Variants in SLC6A9 observed in about 807,000 individuals in gnomAD.
SLC6A9 encodes sodium- and chloride-dependent glycine transporter 1.
Under a neutral mutation model 70.9 loss-of-function variants are expected in SLC6A9, and 31 were observed. The ratio of observed to expected loss-of-function variants is 0.44; its 90% CI spans 0.33 to 0.59. The LOEUF (loss-of-function observed/expected upper bound fraction) is 0.59. Among genes scored for constraint, SLC6A9 ranks in the 20% least tolerant of loss-of-function variants. The pLI is 0.04. For missense variants in SLC6A9, 631 were observed against 845.2 expected (o/e 0.75, Z 3.14); for synonymous variants, 310 against 341.3 (o/e 0.91, Z 1.01).
intron 1 of SLC6A9, among the ~76,000 whole-genome samples, chr1:44,024,633 A>C (rs992625417): frequency 9.2e-5 from 14 of 152,254 alleles, no homozygotes; most frequent in Admixed American, 9.2e-4. Flanking sequence ...AAAAGATAAA[A>C]AATGAATACC....
intron 5 of SLC6A9, among the ~76,000 whole-genome samples, chr1:44,004,938 G>A (rs1248356344): frequency 1.3e-5 from 2 of 152,242 alleles, no homozygotes; most frequent in Admixed American, 1.3e-4. Context: ...GCCAGGTGGT[G>A]AGTGCCTTGA....
At chr1:44,004,763 G>C (rs1327651271) in intron 5 of SLC6A9, among the ~76,000 whole-genome samples, 2 of 152,178 alleles carry the variant, frequency 1.3e-5, no homozygotes, top group Non-Finnish European at 2.9e-5. Flanking sequence ...ATCATATTCT[G>C]TTTTTTGTTT....
rs1470831314 is a variant in SLC6A9, at chr1:44,001,539, G to A, written c.1051C>T (p.His351Tyr). 3 of 1,614,250 alleles carry A rather than the reference G, an allele frequency of 1.9e-6. No homozygotes were observed. The highest frequency in any genetic ancestry group is 2.2e-5 in the South Asian group (2 of 91,088). ...IFSILGFMAN[H>Y]LGVDVSRVAD... ...ACACGGGACACATCCACGCCCAGGT[G>A]ATTGGCCATGAAGCCGAGGATGGAG... is the stretch of plus-strand genomic sequence containing the variant. Residue 351 changes from histidine to tyrosine, a missense_variant, in exon 9 of 14, where the codon CAC (histidine) becomes TAC (tyrosine). Physicochemically the swap from His to Tyr is moderately conservative, Grantham distance 83 (BLOSUM62 2). Transcript: ENST00000372310.
Position 44,002,826 on chromosome 1 carries a change from C to T in SLC6A9, c.723+27G>A, listed in dbSNP as rs1351275185. The T allele has an allele frequency of 6.2e-7, 1 of 1,613,452 alleles. No individual in the cohort carries two copies. The highest frequency in any genetic ancestry group is 8.5e-7 in the Non-Finnish European group (1 of 1,179,684). ...GGGGCAGGGTCTTTCTGGGTGGGCA[C>T]AGACCCTGCTGGGGAGGGGTACTTG... On this transcript the variant is annotated intron_variant, in intron 6 of 13. Transcript: ENST00000372310. The surrounding 1 kb of genome is among the most constrained non-coding windows in gnomAD (Gnocchi z 5.5).
intron 1 of SLC6A9, among the ~76,000 whole-genome samples, chr1:44,025,128 G>T (rs1043879570): frequency 1.4e-5 from 2 of 140,374 alleles, no homozygotes; most frequent in Admixed American, 1.3e-4. Context: ...CCGAGGGCTT[G>T]GGACTGTGTT....
intron 4 of SLC6A9, 47 bp downstream of exon 4, chr1:44,009,918 G>A (rs181106798): frequency 2.6e-5 from 41 of 1,599,152 alleles, no homozygotes; most frequent in Middle Eastern, 1.7e-4. Flanking sequence ...CTCAGAGGCC[G>A]TTGTGTGTTT....
At chr1:44,028,491 C>A (rs1455079738) in intron 1 of SLC6A9, among the ~76,000 whole-genome samples, 1 of 152,146 alleles carries the variant, frequency 6.6e-6, no homozygotes, top group Non-Finnish European at 1.5e-5. Context: ...CGCGGTGGCT[C>A]ACACCTGTAA....
In SLC6A9 at chr1:43,997,095, A is replaced by G. The variant is rs999302757; in HGVS notation, c.*450T>C. 1 of 186,260 alleles carries G rather than the reference A, an allele frequency of 5.4e-6. No homozygotes were observed. Among genetic ancestry groups the G allele is most frequent in the African/African-American group, 2.4e-5 (1 of 41,840 alleles). The allele number at this position is 186,260 out of a possible 1,614,324, so 11.5% of individuals were successfully genotyped here. A position where few individuals can be genotyped will look rare whatever the true frequency, so the allele number is the denominator to read the frequency against. On this transcript the variant is annotated 3_prime_UTR_variant, in exon 14 of 14. Transcript: ENST00000372310. The surrounding 1 kb of genome is among the most constrained non-coding windows in gnomAD (Gnocchi z 4.4). ...CACAGCCTGACAAGTAACACTGGGC[A>G]GTCCCCCAGCCCTTCATCCTGCCCC... is the stretch of plus-strand genomic sequence containing the variant.
chr1:44,015,066 T>C (rs2086694189), intron 2 of SLC6A9, among the ~76,000 whole-genome samples: 1 of 152,200 alleles, frequency 6.6e-6, no homozygotes, highest in African/African-American at 2.4e-5. Context: ...ACTAGCTTTC[T>C]AGATTACTAA....
intron 1 of SLC6A9, among the ~76,000 whole-genome samples, chr1:44,025,731 C>A (rs2086971082): frequency 6.7e-6 from 1 of 150,236 alleles, no homozygotes; most frequent in Non-Finnish European, 1.5e-5. Flanking sequence ...ACCTGGGAGG[C>A]AGAGGTTGCA....
rs1051237582 is a variant in SLC6A9, at chr1:43,996,750, C to T, written c.*795G>A. ...GGCAGCACATTTGGGAAGACTGGGC[C>T]TTTAGCCTCATGGAGGGAGGGCAAG... On this transcript the variant is annotated 3_prime_UTR_variant, in exon 14 of 14. Coordinates refer to ENST00000372310, the MANE Select transcript of SLC6A9 (RefSeq NM_001024845.3). 1 of 153,290 alleles carries T rather than the reference C, an allele frequency of 6.5e-6. No individual in the cohort carries two copies. Among genetic ancestry groups the T allele is most frequent in the Non-Finnish European group, 1.5e-5 (1 of 68,564 alleles). 9.5% of individuals were successfully genotyped at this position (153,290 alleles called of 1,614,324 possible).
chr1:44,005,587 G>A (rs867902573), intron 5 of SLC6A9, among the ~76,000 whole-genome samples: 8 of 152,210 alleles, frequency 5.3e-5, no homozygotes, highest in Middle Eastern at 3.4e-3. Context: ...AATTCACCCC[G>A]GCACACCCAG....
At chr1:44,028,962 G>T (rs2087038905) in intron 1 of SLC6A9, among the ~76,000 whole-genome samples, 1 of 152,160 alleles carries the variant, frequency 6.6e-6, no homozygotes, top group East Asian at 1.9e-4. Flanking sequence ...ACTGGGTAGG[G>T]GGAGGGATAA....
At position 44,002,276 on chromosome 1, in the gene SLC6A9, G is replaced by T; in HGVS notation, c.962+37C>A. 6.8e-7 allele frequency: 1 copy of T among 1,463,524 alleles called. No homozygotes were observed. Among genetic ancestry groups the T allele is most frequent in the Non-Finnish European group, 9.6e-7 (1 of 1,042,660 alleles). The allele number at this position is 1,463,524 out of a possible 1,614,324, so 90.7% of individuals were successfully genotyped here. The stretch of plus-strand genomic sequence containing the variant: ...CTGAGATCAGGCTGCAGAGAGTGCA[G>T]GAAGGGGGCAGCCTCAGCCCAGCAG... On this transcript the variant is annotated intron_variant, in intron 8 of 13. Transcript: ENST00000372310. This position sits in a 1 kb window ranked among gnomAD's most constrained non-coding sequence, Gnocchi z 5.5.
In SLC6A9 at chr1:44,001,040, G is replaced by T. The variant is rs771419722; in HGVS notation, c.1351C>A (p.Leu451Met). 1.9e-6 allele frequency: 3 copies of T among 1,583,930 alleles called. No homozygotes were observed. The South Asian group carries it at 3.5e-5, about 18-fold the overall frequency. Reference sequence around the variant, plus strand: ...GCCGCATAGTTGTCCATCAGCAGCAGCCAATAGATGCCTGCCTGGGGAACA... The same window carrying T: ...GCCGCATAGTTGTCCATCAGCAGCATCCAATAGATGCCTGCCTGGGGAACA... The part of the protein sequence containing the change: ...PLTSQAGIYW[L>M]LLMDNYAASF... Residue 451 changes from leucine (L) to methionine (M), a missense_variant, in exon 11 of 14, where the codon CTG becomes ATG. Coordinates refer to ENST00000372310, the MANE Select transcript of SLC6A9 (RefSeq NM_001024845.3).
intron 5 of SLC6A9, among the ~76,000 whole-genome samples, chr1:44,007,944 G>A (rs1265473012): frequency 6.8e-6 from 1 of 147,640 alleles, no homozygotes; most frequent in East Asian, 2.0e-4. Context: ...AGGCTGAAGT[G>A]CAGTGGCGCG....
At chr1:44,009,376 C>T (rs1259212858) in intron 4 of SLC6A9, among the ~76,000 whole-genome samples, 1 of 152,086 alleles carries the variant, frequency 6.6e-6, no homozygotes, top group Middle Eastern at 3.2e-3. Context: ...CCTGCCACCA[C>T]ACCAAGCTAA....
At chr1:44,020,283 C>T (rs531747503) in intron 2 of SLC6A9, among the ~76,000 whole-genome samples, 5 of 152,354 alleles carry the variant, frequency 3.3e-5, no homozygotes, top group African/African-American at 1.2e-4. Flanking sequence ...TGCTGATCAG[C>T]AGAGTGCCTC....
At chr1:44,010,317 C>T in intron 3 of SLC6A9, 1 of 543,032 alleles carries the variant, frequency 1.8e-6, no homozygotes, top group Non-Finnish European at 3.3e-6. Context: ...AATCCAGGTC[C>T]CAGAGCCTCC....
Sources: gnomAD v4.1 joint callset for allele counts (sites outside exome capture counted in the v4.1 genomes callset) on GRCh38, gnomAD v4.1.1 for gene constraint, Gnocchi (gnomAD v3.1) non-coding constraint, MANE v1.5 for transcripts, NCBI Gene and HGNC (gene_info 2026-07-23, HGNC 2026-07-21) for gene names.